RHPN1: variants seen among roughly 807,000 people sequenced by gnomAD.
RHPN1 encodes rhophilin-1.
RHPN1 carries 77 observed loss-of-function variants against 74.7 expected under a neutral mutation model. That is an observed-to-expected ratio of 1.03 (90% CI 0.86 to 1.25). The LOEUF (loss-of-function observed/expected upper bound fraction) is 1.25. RHPN1 is among the 50% of genes most tolerant of loss of function. The probability of loss-of-function intolerance (pLI) is 0.00; values close to 1 mark genes in which losing one functional copy is unlikely to be tolerated. For missense variants in RHPN1, 987 were observed against 932.2 expected (o/e 1.06, Z -0.77); for synonymous variants, 444 against 414.5 (o/e 1.07, Z -0.87).
chr8:143,379,417 A>C lies in RHPN1; in HGVS notation c.854A>C (p.Gln285Pro). ...GAGCAGCTCATGATGGCCCAGGCCC[A>C]GGAATGTGTGTTTGAGGGCCTCTCA... ...ALEQLMMAQA[Q>P]ECVFEGLSPP... Residue 285 changes from glutamine to proline, a missense_variant, in exon 8 of 15, where the codon CAG (glutamine) becomes CCG (proline). Coordinates refer to ENST00000289013, the MANE Select transcript of RHPN1 (RefSeq NM_052924.3). The C allele has an allele frequency of 6.3e-7, 1 of 1,585,932 alleles. No homozygotes were observed. The highest frequency in any genetic ancestry group is 8.6e-7 in the Non-Finnish European group (1 of 1,166,556).
intron 3 of RHPN1, among the ~76,000 whole-genome samples, chr8:143,376,940 ATC>A (rs1818293634): frequency 7.3e-6 from 1 of 136,164 alleles, no homozygotes; most frequent in South Asian, 2.4e-4. Flanking sequence ...CTGTGTGTGC[ATC>A]TCTGTGCGTG....
chr8:143,378,671 G>A (rs767034306), intron 5 of RHPN1, 25 bp from the exon 6 acceptor site: 1 of 1,588,960 alleles, frequency 6.3e-7, no homozygotes, highest in Non-Finnish European at 8.5e-7. Flanking sequence ...CAGGGCGGTG[G>A]GGCCCAGTGG....
intron 3 of RHPN1, 44 bp downstream of exon 3, chr8:143,376,697 A>ACGTGTG: frequency 6.5e-7 from 1 of 1,532,782 alleles, no homozygotes; most frequent in Non-Finnish European, 8.8e-7. Flanking sequence ...ATGTGTGTGC[A>ACGTGTG]CGTGTGCGTG....
chr8:143,371,812 C>T (rs1380219009), intron 1 of RHPN1, among the ~76,000 whole-genome samples: 1 of 152,166 alleles, frequency 6.6e-6, no homozygotes, highest in Non-Finnish European at 1.5e-5. Context: ...TGGGGAGCTC[C>T]AGGTCACCTT....
At chr8:143,369,327 G>C (rs1817676099) in intron 1 of RHPN1, among the ~76,000 whole-genome samples, 1 of 152,198 alleles carries the variant, frequency 6.6e-6, no homozygotes, top group Non-Finnish European at 1.5e-5. Context: ...CCCCTTCTGG[G>C]CGGATGTGGG....
rs1818654120 is a variant in RHPN1, at chr8:143,380,658, T to A, written c.1286T>A (p.Val429Asp). Residue 429 changes from valine to aspartate, a missense_variant, in exon 11 of 15, where the codon GTC (valine) becomes GAC (aspartate). By Grantham distance (152) the Val-to-Asp change is radical. Transcript: ENST00000289013. ...EALRLHALCR[V>D]LREVDLLRAV... Reference sequence around the variant, plus strand: ...CTGCGGCTGCACGCCCTGTGCCGCGTCCTGCGCGAGGTGGACCTGCTTCGG... The same window carrying A: ...CTGCGGCTGCACGCCCTGTGCCGCGACCTGCGCGAGGTGGACCTGCTTCGG... 6.4e-7 allele frequency: 1 copy of A among 1,569,952 alleles called. No individual in the cohort carries two copies. Among genetic ancestry groups the A allele is most frequent in the Admixed American group, 1.9e-5 (1 of 53,954 alleles).
intron 1 of RHPN1, among the ~76,000 whole-genome samples, chr8:143,369,831 G>A (rs766456450): frequency 5.3e-5 from 8 of 152,244 alleles, no homozygotes; most frequent in Middle Eastern, 3.2e-3. Context: ...CTCCCCTCTG[G>A]GACGTCAGAC....
At position 143,376,559 on chromosome 8, in the gene RHPN1, G is replaced by T. The variant is rs553239044; in HGVS notation, c.211G>T (p.Ala71Ser). 1 of 1,611,864 alleles carries T rather than the reference G, an allele frequency of 6.2e-7. No homozygotes were observed. The highest frequency in any genetic ancestry group is 2.2e-5 in the East Asian group (1 of 44,864). ...TSNNRVRETV[A>S]LELSYVNSNL... ...CAACAACCGGGTGAGAGAGACGGTC[G>T]CCCTGGAGCTGAGCTACGTCAACTC... Residue 71 changes from alanine (A) to serine (S), a missense_variant, in exon 3 of 15, where the codon GCC becomes TCC. By Grantham distance (99) the Ala-to-Ser change is moderately conservative. Coordinates refer to ENST00000289013, the MANE Select transcript of RHPN1 (RefSeq NM_052924.3).
rs1253650305 is a variant in RHPN1 at position 143,380,154 on chromosome 8, C to G, written c.1195C>G (p.Leu399Val). The change falls in exon 10 of 15, where the codon CTG (leucine) becomes GTG (valine). Residue 399 changes from leucine (L) to valine (V), a missense_variant. Physicochemically the swap from Leu to Val is conservative, Grantham distance 32. Transcript: ENST00000289013. ...CCGAGGCCCTGTGCTGCCGCAGGAG[C>G]TGGAGGAGCGCAGGCAGCTTGGTAA... ...KPRGPVLPQE[L>V]EERRQLGKAH... 6 of 1,545,982 alleles carry G rather than the reference C, an allele frequency of 3.9e-6. No homozygotes were observed. The highest frequency in any genetic ancestry group is 5.2e-6 in the Non-Finnish European group (6 of 1,146,244).
upstream of RHPN1, among the ~76,000 whole-genome samples, chr8:143,365,470 C>T (rs568007876): frequency 2.0e-5 from 3 of 152,328 alleles, no homozygotes; most frequent in Admixed American, 6.5e-5. Context: ...CCGGGCTCTG[C>T]AGATGGGCTG....
At chr8:143,382,017 C>CTT in intron 14 of RHPN1, 49 bp downstream of exon 14, 1 of 1,498,028 alleles carries the variant, frequency 6.7e-7, no homozygotes, top group Non-Finnish European at 8.9e-7. Context: ...GCTGTCACCA[C>CTT]CCTGGCCCTG....
intron 11 of RHPN1, among the ~76,000 whole-genome samples, chr8:143,381,011 A>G (rs570105577): frequency 6.6e-6 from 1 of 152,222 alleles, no homozygotes; most frequent in Non-Finnish European, 1.5e-5. Context: ...CTGGCCTCCT[A>G]CCCTGAGGGG....
rs368151505 is a variant in RHPN1, at chr8:143,379,024, C to T, written c.697C>T (p.Arg233Cys). 19 of 1,547,108 alleles carry T rather than the reference C, an allele frequency of 1.2e-5. No individual in the cohort carries two copies. Among genetic ancestry groups the T allele is most frequent in the Admixed American group, 3.9e-5 (2 of 50,848 alleles). Residue 233 changes from arginine to cysteine, a missense_variant, in exon 7 of 15, where the codon CGC (arginine) becomes TGC (cysteine). Arg to Cys is a radical substitution (Grantham distance 180). Transcript: ENST00000289013. Reference sequence around the variant, plus strand: ...CACGCAGATTGGGGCGCGCCAGGACCGCTCCTGCACCGAGGGTGCCCGCCG... The same window carrying T: ...CACGCAGATTGGGGCGCGCCAGGACTGCTCCTGCACCGAGGGTGCCCGCCG... ...LHTQIGARQD[R>C]SCTEGARRAM... is the part of the protein sequence containing the mutation.
chr8:143,368,860 G>C (rs1008222287), upstream of RHPN1: 11 of 559,330 alleles, frequency 2.0e-5, no homozygotes, highest in East Asian at 4.4e-4. Context: ...AGGGACAGTC[G>C]GGGACCGGCG....
intron 1 of RHPN1, chr8:143,374,344 T>C (rs1818070610): frequency 1.0e-6 from 1 of 982,838 alleles, no homozygotes; most frequent in East Asian, 1.1e-4. Flanking sequence ...CACAAGGTCC[T>C]GGGGAAGAAG....
intron 1 of RHPN1, chr8:143,374,277 C>G (rs1049335435): frequency 1.0e-6 from 1 of 985,450 alleles, no homozygotes; most frequent in African/African-American, 1.7e-5. Context: ...CCCATGAATC[C>G]GCAGCTTCAT....
intron 2 of RHPN1, 80 bp from the exon 3 acceptor site, chr8:143,376,445 C>G (rs1352081327): frequency 6.4e-7 from 1 of 1,566,216 alleles, no homozygotes; most frequent in Non-Finnish European, 8.7e-7. Flanking sequence ...GACAGGTCAG[C>G]TGGCAGGACG....
Position 143,380,001 on chromosome 8 carries a change from A to G in RHPN1, c.1102+16A>G. 6.4e-7 allele frequency: 1 copy of G among 1,553,330 alleles called. No homozygotes were observed. Among genetic ancestry groups the G allele is most frequent in the African/African-American group, 1.4e-5 (1 of 73,280 alleles). On this transcript the variant is annotated intron_variant, in intron 9 of 14. Coordinates refer to ENST00000289013, the MANE Select transcript of RHPN1 (RefSeq NM_052924.3). Reference sequence around the variant, plus strand: ...GACGGCTCCCGTGAGTGCCCACCACACTTGCCCATGGTACTGCCAAGGCCC... The same window carrying G: ...GACGGCTCCCGTGAGTGCCCACCACGCTTGCCCATGGTACTGCCAAGGCCC...
rs989940934 is a variant in RHPN1, at chr8:143,378,819, T to C, written c.583T>C (p.Trp195Arg). The C allele has an allele frequency of 2.6e-6, 4 of 1,564,774 alleles. No homozygotes were observed. Among genetic ancestry groups the C allele is most frequent in the African/African-American group, 1.4e-5 (1 of 73,642 alleles). Residue 195 changes from tryptophan (W) to arginine (R), a missense_variant and splice_region_variant, in exon 6 of 15, where the codon TGG (tryptophan) becomes CGG (arginine). By Grantham distance (101) the Trp-to-Arg change is moderately radical. Coordinates refer to ENST00000289013, the MANE Select transcript of RHPN1 (RefSeq NM_052924.3). Reference protein sequence around the residue: ...PARSLGLFFHWYDSLTGVPAQ... With the variant: ...PARSLGLFFHRYDSLTGVPAQ... ...CAGGAGCCTCGGGCTCTTCTTCCAC[T>C]GGTAGGGGCTCTGCGGGCGGAGGCA...
Sources: allele counts gnomAD v4.1 joint callset (sites outside exome capture counted in the v4.1 genomes callset), GRCh38; gene constraint gnomAD v4.1.1; transcripts MANE v1.5; gene names NCBI Gene and HGNC (gene_info 2026-07-23, HGNC 2026-07-21).